The following ZDHHC14 variants were observed in gnomAD, a reference collection of about 807,000 sequenced individuals.
ZDHHC14 encodes zDHHC palmitoyltransferase 14.
ZDHHC14 carries 16 observed loss-of-function variants against 47.7 expected under a neutral mutation model. That is an observed-to-expected ratio of 0.34 (90% confidence interval 0.23 to 0.51). The LOEUF (loss-of-function observed/expected upper bound fraction) is 0.51. Ranked by LOEUF, ZDHHC14 falls within the 20% of genes least tolerant of loss-of-function variation. The pLI is 0.97. For missense variants in ZDHHC14, 515 were observed against 662.5 expected, an observed-to-expected ratio of 0.78 and a Z score of 2.44; for synonymous variants, 293 against 278.9, an observed-to-expected ratio of 1.05 and a Z score of -0.50.
At chr6:157,444,675 CAAA>C (rs34402178) in intron 1 of ZDHHC14, among the ~76,000 whole-genome samples, 14 of 118,212 alleles carry the variant, frequency 1.2e-4, no homozygotes, top group Non-Finnish European at 9.0e-5. Context: ...GAGACTCCGT[CAAA>C]AAAAAAAAAA....
intron 1 of ZDHHC14, among the ~76,000 whole-genome samples, chr6:157,421,754 C>T (rs1051088786): frequency 2.0e-5 from 3 of 151,926 alleles, no homozygotes; most frequent in African/African-American, 7.2e-5. Flanking sequence ...ATTATAGCCA[C>T]CCACCATGAC....
In ZDHHC14 at chr6:157,477,241, G is replaced by A. The variant is rs187134442; in HGVS notation, c.246-65344G>A. 3.0e-3 allele frequency among the ~76,000 whole-genome samples: 462 copies of A among 152,292 alleles called. 2 individuals carry two copies. Among genetic ancestry groups the A allele is most frequent in the African/African-American group, 8.9e-3 (371 of 41,558 alleles). On this transcript the variant is annotated intron_variant, in intron 1 of 8. Transcript: ENST00000359775. Reference sequence around the variant, plus strand: ...CTAAAAATACAAAAATTAGCTGGGCGTGGTGGTGTGCACCTGTAATCGCAG... The same window carrying A: ...CTAAAAATACAAAAATTAGCTGGGCATGGTGGTGTGCACCTGTAATCGCAG...
intron 3 of ZDHHC14, among the ~76,000 whole-genome samples, chr6:157,617,526 T>C (rs1785017456): frequency 6.6e-6 from 1 of 152,180 alleles, no homozygotes; most frequent in Non-Finnish European, 1.5e-5. Flanking sequence ...GACTCTTTGC[T>C]ACAAGATCCC....
chr6:157,506,968 A>T (rs1166270745), intron 1 of ZDHHC14, among the ~76,000 whole-genome samples: 2 of 152,140 alleles, frequency 1.3e-5, no homozygotes, highest in Non-Finnish European at 2.9e-5. Flanking sequence ...AAATTGTGCT[A>T]AAAGACTTAT....
At chr6:157,625,639 G>A (rs1785378683) in intron 3 of ZDHHC14, among the ~76,000 whole-genome samples, 1 of 152,074 alleles carries the variant, frequency 6.6e-6, no homozygotes, top group Non-Finnish European at 1.5e-5. Context: ...TTAGGCCAGT[G>A]AGAACTCCGG....
chr6:157,486,395 C>T (rs1267350889), intron 1 of ZDHHC14, among the ~76,000 whole-genome samples: 1 of 152,216 alleles, frequency 6.6e-6, no homozygotes, highest in East Asian at 1.9e-4. Flanking sequence ...GACACCTCTT[C>T]ACATAAAATG....
Position 157,582,622 on chromosome 6 carries a change from T to C in ZDHHC14, c.407-10366T>C, listed in dbSNP as rs1249288405. ...GCTGTTAGCCTGATAGGGCTCCCTT[T>C]GTAAGTGAACTGCCTCTTCTCTCTA... On this transcript the variant is annotated intron_variant, in intron 2 of 8. Coordinates refer to ENST00000359775, the MANE Select transcript of ZDHHC14 (RefSeq NM_024630.3). This position sits in a 1 kb window ranked among gnomAD's most constrained non-coding sequence, Gnocchi z 4.3. Among the ~76,000 whole-genome samples, 2 of 152,230 alleles carry C rather than the reference T, an allele frequency of 1.3e-5. No homozygotes were observed. Among genetic ancestry groups the C allele is most frequent in the Non-Finnish European group, 2.9e-5 (2 of 68,032 alleles).
At chr6:157,492,740 G>C (rs751526719) in intron 1 of ZDHHC14, among the ~76,000 whole-genome samples, 1 of 152,184 alleles carries the variant, frequency 6.6e-6, no homozygotes, top group Non-Finnish European at 1.5e-5. Flanking sequence ...GCTGAGAGCC[G>C]GGAGGGGAAG....
chr6:157,400,097 G>A (rs944601882), intron 1 of ZDHHC14, among the ~76,000 whole-genome samples: 1 of 152,194 alleles, frequency 6.6e-6, no homozygotes, highest in African/African-American at 2.4e-5. Flanking sequence ...TAAATTCATT[G>A]AAACTGAACT....
At chr6:157,434,097 A>C (rs1778392695) in intron 1 of ZDHHC14, among the ~76,000 whole-genome samples, 1 of 152,158 alleles carries the variant, frequency 6.6e-6, no homozygotes, top group South Asian at 2.1e-4. Flanking sequence ...TTAAAAATCC[A>C]GTTCCAAGAT....
intron 3 of ZDHHC14, among the ~76,000 whole-genome samples, chr6:157,604,056 G>A (rs963620023): frequency 3.3e-5 from 5 of 152,186 alleles, no homozygotes; most frequent in Non-Finnish European, 5.9e-5. Context: ...GGAGGCTGAG[G>A]CATGCAGATG....
At chr6:157,597,976 G>A (rs1279878035) in intron 3 of ZDHHC14, among the ~76,000 whole-genome samples, 1 of 152,032 alleles carries the variant, frequency 6.6e-6, no homozygotes, top group East Asian at 1.9e-4. Context: ...TCATTCCCTC[G>A]CCTCTTTTTG....
chr6:157,660,972 A>C (rs1778320858), intron 8 of ZDHHC14, among the ~76,000 whole-genome samples: 1 of 152,210 alleles, frequency 6.6e-6, no homozygotes, highest in Non-Finnish European at 1.5e-5. Flanking sequence ...GGGGAGGGGC[A>C]GGGGAGCTTT....
At chr6:157,425,941 A>T (rs936782101) in intron 1 of ZDHHC14, among the ~76,000 whole-genome samples, 3 of 151,976 alleles carry the variant, frequency 2.0e-5, no homozygotes, top group Admixed American at 2.0e-4. Context: ...ACCACCTCCT[A>T]CTATCTTGCA....
In ZDHHC14 at chr6:157,408,810, C is replaced by T. The variant is rs555208535; in HGVS notation, c.245+26544C>T. ...TATAAAAAATGATTTATAGTCCTTT[C>T]GATATATACCCAGTAATGGGTTTGC... is the stretch of plus-strand genomic sequence containing the variant. On this transcript the variant is annotated intron_variant, in intron 1 of 8. Coordinates refer to ENST00000359775, the MANE Select transcript of ZDHHC14 (RefSeq NM_024630.3). Among the ~76,000 whole-genome samples, 7 of 152,286 alleles carry T rather than the reference C, an allele frequency of 4.6e-5. No individual in the cohort carries two copies. The South Asian group carries it at 8.3e-4, about 18-fold the overall frequency.
intron 3 of ZDHHC14, among the ~76,000 whole-genome samples, chr6:157,613,573 C>T (rs1784836068): frequency 6.6e-6 from 1 of 152,190 alleles, no homozygotes; most frequent in Non-Finnish European, 1.5e-5. Flanking sequence ...CTGGGGATGG[C>T]ACATTTAGCA....
At chr6:157,472,676 T>TGAAA (rs1434954479) in intron 1 of ZDHHC14, among the ~76,000 whole-genome samples, 2 of 152,182 alleles carry the variant, frequency 1.3e-5, no homozygotes, top group Admixed American at 1.3e-4. Flanking sequence ...GAAAGGTGAT[T>TGAAA]GAAAGCACAT....
chr6:157,649,317 C>A (rs957292564), intron 7 of ZDHHC14, among the ~76,000 whole-genome samples: 9 of 152,192 alleles, frequency 5.9e-5, no homozygotes, highest in Admixed American at 5.9e-4. Context: ...CAGAGCAAGA[C>A]AAATAAGACA....
intron 1 of ZDHHC14, among the ~76,000 whole-genome samples, chr6:157,443,271 C>T (rs1454584672): frequency 2.0e-5 from 3 of 152,118 alleles, no homozygotes; most frequent in Non-Finnish European, 2.9e-5. Context: ...CTGAGGCCTC[C>T]CCAGCCATGC....
Sources: allele counts gnomAD v4.1 joint callset (sites outside exome capture counted in the v4.1 genomes callset), GRCh38; gene constraint gnomAD v4.1.1; non-coding constraint Gnocchi (gnomAD v3.1); transcripts MANE v1.5; gene names NCBI Gene and HGNC (gene_info 2026-07-23, HGNC 2026-07-21).